The following ZNF696 variants were observed in gnomAD, a reference collection of about 807,000 sequenced individuals.
ZNF696 encodes the protein zinc finger protein 696.
Under a neutral mutation model 12.3 loss-of-function variants are expected in ZNF696, and 10 were observed. The observed-to-expected ratio is 0.81, with a 90% CI of 0.50 to 1.38. The LOEUF (loss-of-function observed/expected upper bound fraction) is 1.38. Ranked by LOEUF, ZNF696 falls within the 40% of genes most tolerant of loss-of-function variation. The probability of loss-of-function intolerance (pLI) is 0.00; values close to 1 mark genes in which losing one functional copy is unlikely to be tolerated. For synonymous variants in ZNF696, 304 were observed against 243.9 expected (o/e 1.25, Z -2.29); for missense variants, 675 against 554.7 (o/e 1.22, Z -2.18).
chr8:143,291,487 G>C lies in ZNF696; in HGVS notation c.-311G>C, dbSNP rs570698899. 1 of 985,552 alleles carries C rather than the reference G, an allele frequency of 1.0e-6. No homozygotes were observed. The highest frequency in any genetic ancestry group is 1.7e-5 in the African/African-American group (1 of 57,370). 61.1% of individuals were successfully genotyped at this position (985,552 alleles called of 1,614,324 possible). On this transcript the variant is annotated 5_prime_UTR_variant, in exon 1 of 3. Coordinates refer to ENST00000330143, the MANE Select transcript of ZNF696 (RefSeq NM_030895.3). ...CTCTTGCTGGGGTGTCGATTCGGGAGGGCTGAGGGCGCGGCCGAGAGAACG... is the reference window on the plus strand; with the variant it reads ...CTCTTGCTGGGGTGTCGATTCGGGACGGCTGAGGGCGCGGCCGAGAGAACG...
chr8:143,298,977 T>C lies in ZNF696; in HGVS notation c.*2177T>C, dbSNP rs1211143167. On this transcript the variant is annotated 3_prime_UTR_variant, in exon 3 of 3. Transcript: ENST00000330143. ...GAGTTTGAGACCACCCTGGCCAACA[T>C]GGCAAAACCCCATTTCTACTAAAAA... is the stretch of plus-strand genomic sequence containing the variant. Among the ~76,000 whole-genome samples, 2 of 152,030 alleles carry C rather than the reference T, an allele frequency of 1.3e-5. No homozygotes were observed. The highest frequency in any genetic ancestry group is 4.8e-5 in the African/African-American group (2 of 41,378).
rs1325754831 is a variant in ZNF696, at chr8:143,296,201, A to C, written c.526A>C (p.Ser176Arg). ...CGTGGTCCGGCACCAGCGGGCGCAC[A>C]GCGGGGAGAGGCCCTACGCGTGCGC... ...SHVVRHQRAH[S>R]GERPYACAEC... The change falls in exon 3 of 3, where the codon AGC becomes CGC. Residue 176 changes from serine (S) to arginine (R), a missense_variant. Coordinates refer to ENST00000330143, the MANE Select transcript of ZNF696 (RefSeq NM_030895.3). 4.4e-6 allele frequency: 7 copies of C among 1,595,166 alleles called. No individual in the cohort carries two copies. Among genetic ancestry groups the C allele is most frequent in the Non-Finnish European group, 6.0e-6 (7 of 1,174,640 alleles).
rs948346318 is a variant in ZNF696 at position 143,299,167 on chromosome 8, T to A, written c.*2367T>A. 6.6e-6 allele frequency among the ~76,000 whole-genome samples: 1 copy of A among 151,464 alleles called. No individual in the cohort carries two copies. Among genetic ancestry groups the A allele is most frequent in the Non-Finnish European group, 1.5e-5 (1 of 67,884 alleles). On this transcript the variant is annotated 3_prime_UTR_variant, in exon 3 of 3. Coordinates refer to ENST00000330143, the MANE Select transcript of ZNF696 (RefSeq NM_030895.3). Reference sequence around the variant, plus strand: ...AGAGCAAAACTCCATCTTAAAAAAATAAATAAATAAAGGAAAATGAGCCGA... The same window carrying A: ...AGAGCAAAACTCCATCTTAAAAAAAAAAATAAATAAAGGAAAATGAGCCGA...
Position 143,296,774 on chromosome 8 carries a change from C to T in ZNF696, c.1099C>T (p.His367Tyr). The T allele has an allele frequency of 7.0e-7, 1 of 1,437,350 alleles. No homozygotes were observed. The highest frequency in any genetic ancestry group is 2.8e-5 in the Admixed American group (1 of 35,536). The allele number at this position is 1,437,350 out of a possible 1,614,324, so 89.0% of individuals were successfully genotyped here. A position where few individuals can be genotyped will look rare whatever the true frequency, so the allele number is the denominator to read the frequency against. ...CCGCCTGAGCTTCCACCTCATCCAGCACCGGCGGGTGCATGGCGCCGAGTG... is the reference window on the plus strand; with the variant it reads ...CCGCCTGAGCTTCCACCTCATCCAGTACCGGCGGGTGCATGGCGCCGAGTG... ...AFRLSFHLIQ[H>Y]RRVHGAE The change falls in exon 3 of 3, where the codon CAC becomes TAC. Residue 367 changes from histidine (H) to tyrosine (Y), a missense_variant. Physicochemically the swap from His to Tyr is moderately conservative, Grantham distance 83. Coordinates refer to ENST00000330143, the MANE Select transcript of ZNF696 (RefSeq NM_030895.3).
At position 143,293,070 on chromosome 8, in the gene ZNF696, G is replaced by C. The variant is rs761133041; in HGVS notation, c.64+5G>C. 1 of 1,612,568 alleles carries C rather than the reference G, an allele frequency of 6.2e-7. No individual in the cohort carries two copies. Among genetic ancestry groups the C allele is most frequent in the South Asian group, 1.1e-5 (1 of 90,952 alleles). ...CCCTGATGGAGTCCCTTGCAGGTGAGGGGACATGTCCACAGTCGGGCCCAG... is the reference window on the plus strand; with the variant it reads ...CCCTGATGGAGTCCCTTGCAGGTGACGGGACATGTCCACAGTCGGGCCCAG... On this transcript the variant is annotated splice_donor_5th_base_variant and intron_variant, in intron 2 of 2. Coordinates refer to ENST00000330143, the MANE Select transcript of ZNF696 (RefSeq NM_030895.3).
rs938263112 is a variant in ZNF696 at position 143,291,455 on chromosome 8, C to G, written c.-343C>G. On this transcript the variant is annotated 5_prime_UTR_variant, in exon 1 of 3. Coordinates refer to ENST00000330143, the MANE Select transcript of ZNF696 (RefSeq NM_030895.3). ...TCCAGCTGCTCTGGACGCTGAGGCC[C>G]CGGCTTCTCTTGCTGGGGTGTCGAT... is the stretch of plus-strand genomic sequence containing the variant. 2.0e-6 allele frequency: 2 copies of G among 985,462 alleles called. No homozygotes were observed. The highest frequency in any genetic ancestry group is 2.4e-6 in the Non-Finnish European group (2 of 829,918). The allele number at this position is 985,462 out of a possible 1,614,324, so 61.0% of individuals were successfully genotyped here. A position where few individuals can be genotyped will look rare whatever the true frequency, so the allele number is the denominator to read the frequency against.
chr8:143,297,053 C>T lies in ZNF696; in HGVS notation c.*253C>T, dbSNP rs1008021967. Reference sequence around the variant, plus strand: ...GCGGGGAGGTCTCAGGGGTCTGTCCCGGGCCGGCCGCCCGCCTCTGAGACT... The same window carrying T: ...GCGGGGAGGTCTCAGGGGTCTGTCCTGGGCCGGCCGCCCGCCTCTGAGACT... On this transcript the variant is annotated 3_prime_UTR_variant, in exon 3 of 3. Transcript: ENST00000330143. The T allele has an allele frequency of 5.2e-6, 2 of 388,052 alleles. No homozygotes were observed. The highest frequency in any genetic ancestry group is 9.0e-6 in the Non-Finnish European group (2 of 221,450). 24.0% of individuals were successfully genotyped at this position (388,052 alleles called of 1,614,324 possible). A position where few individuals can be genotyped will look rare whatever the true frequency, so the allele number is the denominator to read the frequency against.
chr8:143,294,485 ATTC>A (rs1418842776), intron 2 of ZNF696, among the ~76,000 whole-genome samples: 5 of 150,784 alleles, frequency 3.3e-5, no homozygotes, highest in Non-Finnish European at 7.4e-5. Context: ...GATTCAAGTG[ATTC>A]TTCTGCCTCA....
Position 143,296,273 on chromosome 8 carries a change from C to A in ZNF696, c.598C>A (p.Gln200Lys), listed in dbSNP as rs1461156488. ...FGQSFNLLRH[Q>K]RVHTGEKPYA... ...CCAGAGCTTCAACCTCCTCCGGCAC[C>A]AGCGCGTGCACACGGGCGAGAAGCC... Residue 200 changes from glutamine (Q) to lysine (K), a missense_variant, in exon 3 of 3, where the codon CAG (glutamine) becomes AAG (lysine). Physicochemically the swap from Gln to Lys is moderately conservative, Grantham distance 53 (BLOSUM62 1). Coordinates refer to ENST00000330143, the MANE Select transcript of ZNF696 (RefSeq NM_030895.3). The A allele has an allele frequency of 6.3e-7, 1 of 1,599,184 alleles. No homozygotes were observed. Among genetic ancestry groups the A allele is most frequent in the Non-Finnish European group, 8.5e-7 (1 of 1,176,308 alleles).
At chr8:143,291,848 CTA>C (rs1815630996) in intron 1 of ZNF696, 81 bp downstream of exon 1, 4 of 952,916 alleles carry the variant, frequency 4.2e-6, no homozygotes, top group Non-Finnish European at 5.0e-6. Context: ...CGGGGTCTCG[CTA>C]TGTTTCCCAG....
chr8:143,294,475 G>A (rs1028337783), intron 2 of ZNF696, among the ~76,000 whole-genome samples: 2 of 151,940 alleles, frequency 1.3e-5, no homozygotes. Context: ...CCACCTCCTG[G>A]ATTCAAGTGA....
chr8:143,293,099 TC>T, intron 2 of ZNF696, 34 bp downstream of exon 2: 1 of 1,568,450 alleles, frequency 6.4e-7, no homozygotes, highest in Non-Finnish European at 8.8e-7. Flanking sequence ...GGCCCAGAGT[TC>T]CAGGGCAGGA....
chr8:143,296,346 C>T lies in ZNF696; in HGVS notation c.671C>T (p.Ala224Val), dbSNP rs1375162036. The change falls in exon 3 of 3, where the codon GCC becomes GTC. Residue 224 changes from alanine to valine, a missense_variant. Physicochemically the swap from Ala to Val is moderately conservative, Grantham distance 64. Transcript: ENST00000330143. ...CGKAFGQRSD[A>V]AKHRRTHTGE... ...AAGGCCTTCGGCCAGAGGTCGGACG[C>T]CGCCAAGCACCGCCGCACCCACACC... 2 of 1,588,266 alleles carry T rather than the reference C, an allele frequency of 1.3e-6. No homozygotes were observed. Among genetic ancestry groups the T allele is most frequent in the South Asian group, 2.2e-5 (2 of 89,758 alleles).
rs1815697795 is a variant in ZNF696 at position 143,295,776 on chromosome 8, GC to G, written c.102del (p.Ser35AlafsTer326). 1.2e-6 allele frequency: 2 copies of G among 1,603,662 alleles called. No homozygotes were observed. The highest frequency in any genetic ancestry group is 1.7e-6 in the Non-Finnish European group (2 of 1,176,582). On this transcript the variant is annotated frameshift_variant, in exon 3 of 3. Coordinates refer to ENST00000330143, the MANE Select transcript of ZNF696 (RefSeq NM_030895.3). LOFTEE classifies it low-confidence loss of function (END_TRUNC). ...GCTTTCCTGGCGCAGGCCCCGAGTGGCAGCCGGTCAGCCGAGGTGCAGGCAG... is the reference window on the plus strand; with the variant it reads ...GCTTTCCTGGCGCAGGCCCCGAGTGGAGCCGGTCAGCCGAGGTGCAGGCAG... ...KAAFLAQAPS[G>X]SRSAEVQAAQ...
chr8:143,295,669 C>T (rs1173814560), intron 2 of ZNF696, 71 bp from the exon 3 acceptor site: 4 of 1,438,690 alleles, frequency 2.8e-6, no homozygotes, highest in Non-Finnish European at 3.7e-6. Context: ...GTCGTCACCA[C>T]GATTGCCAGA....
chr8:143,296,304 C>A lies in ZNF696; in HGVS notation c.629C>A (p.Ala210Glu), dbSNP rs746996370. Residue 210 changes from alanine to glutamate, a missense_variant, in exon 3 of 3, where the codon GCG (alanine) becomes GAG (glutamate). Coordinates refer to ENST00000330143, the MANE Select transcript of ZNF696 (RefSeq NM_030895.3). ...GTGCACACGGGCGAGAAGCCCTACGCGTGCGCCGACTGCGGCAAGGCCTTC... is the reference window on the plus strand; with the variant it reads ...GTGCACACGGGCGAGAAGCCCTACGAGTGCGCCGACTGCGGCAAGGCCTTC... ...QRVHTGEKPY[A>E]CADCGKAFGQ... 6.3e-7 allele frequency: 1 copy of A among 1,597,232 alleles called. No homozygotes were observed. Among genetic ancestry groups the A allele is most frequent in the South Asian group, 1.1e-5 (1 of 90,410 alleles).
rs142819007 is a variant in ZNF696 at position 143,291,687 on chromosome 8, G to A, written c.-111G>A. On this transcript the variant is annotated 5_prime_UTR_variant, in exon 1 of 3. Coordinates refer to ENST00000330143, the MANE Select transcript of ZNF696 (RefSeq NM_030895.3). ...GCTGCGCGTCTTCAGGCCTTTGTAA[G>A]TTGTCAAATTTCCCACCGGCCCAGC... The A allele has an allele frequency of 5.7e-5, 56 of 985,504 alleles. No homozygotes were observed. In the African/African-American group the frequency reaches 7.3e-4, roughly 13 times the overall value. 61.0% of individuals were successfully genotyped at this position (985,504 alleles called of 1,614,324 possible). A position where few individuals can be genotyped will look rare whatever the true frequency, so the allele number is the denominator to read the frequency against.
rs1167976079 is a variant in ZNF696, at chr8:143,296,855, C to T, written c.*55C>T. ...GGCCTGGTGGGCGCGAGGCCGAGGC[C>T]GGGGGAGGCTCCTGTCCGCCCCGTG... is the stretch of plus-strand genomic sequence containing the variant. On this transcript the variant is annotated 3_prime_UTR_variant, in exon 3 of 3. Coordinates refer to ENST00000330143, the MANE Select transcript of ZNF696 (RefSeq NM_030895.3). The T allele has an allele frequency of 4.5e-6, 6 of 1,347,340 alleles. No homozygotes were observed. The Admixed American group carries it at 1.5e-4, about 35-fold the overall frequency. The allele number at this position is 1,347,340 out of a possible 1,614,324, so 83.5% of individuals were successfully genotyped here.
intron 2 of ZNF696, 74 bp from the exon 3 acceptor site, chr8:143,295,666 C>G (rs1018425818): frequency 3.4e-5 from 49 of 1,431,730 alleles, no homozygotes; most frequent in Non-Finnish European, 4.5e-5. Context: ...TCTGTCGTCA[C>G]CACGATTGCC....
Sources: gnomAD v4.1 joint callset for allele counts (sites outside exome capture counted in the v4.1 genomes callset) on GRCh38, gnomAD v4.1.1 for gene constraint, MANE v1.5 for transcripts, NCBI Gene and HGNC (gene_info 2026-07-23, HGNC 2026-07-21) for gene names.